DLC1: variants seen among roughly 807,000 people sequenced by gnomAD.
DLC1 encodes the protein DLC1 Rho GTPase activating protein.
In DLC1, 54 loss-of-function variants were observed where a neutral mutation model predicts 140.3. The observed-to-expected ratio is 0.38, with a 90% CI of 0.31 to 0.48. DLC1 has a LOEUF of 0.48. Among genes scored for constraint, DLC1 ranks in the 20% least tolerant of loss-of-function variants. The pLI, the probability that DLC1 is intolerant of heterozygous loss-of-function variation, is 0.96. For synonymous variants in DLC1, 986 were observed against 728.1 expected (o/e 1.35, Z -5.70); for missense variants, 2,536 against 1,907.0 (o/e 1.33, Z -6.14).
At chr8:13,355,435 A>G (rs567340948) in intron 4 of DLC1, among the ~76,000 whole-genome samples, 1 of 152,198 alleles carries the variant, frequency 6.6e-6, no homozygotes, top group Non-Finnish European at 1.5e-5. Context: ...ACAGAAATTT[A>G]TTTCTCACAG....
intron 5 of DLC1, among the ~76,000 whole-genome samples, chr8:13,288,071 T>A (rs976723546): frequency 2.6e-5 from 4 of 152,178 alleles, no homozygotes; most frequent in African/African-American, 9.6e-5. Context: ...GAGCTCAGTT[T>A]TTAGAAGTGT....
At chr8:13,165,701 T>C (rs1825059174) in intron 5 of DLC1, among the ~76,000 whole-genome samples, 1 of 152,272 alleles carries the variant, frequency 6.6e-6, no homozygotes, top group African/African-American at 2.4e-5. Flanking sequence ...AATCAAAACA[T>C]CGGCCTCTAC....
intron 5 of DLC1, among the ~76,000 whole-genome samples, chr8:13,209,552 C>T (rs933432480): frequency 6.6e-6 from 1 of 152,078 alleles, no homozygotes; most frequent in Non-Finnish European, 1.5e-5. Context: ...GATGTTGTCC[C>T]TGCCCGAATC....
intron 1 of DLC1, among the ~76,000 whole-genome samples, chr8:13,579,896 T>G (rs2117441434): frequency 6.6e-6 from 1 of 151,938 alleles, no homozygotes; most frequent in East Asian, 1.9e-4. Context: ...AAGCACTCTC[T>G]AGAATGGTGG....
intron 1 of DLC1, among the ~76,000 whole-genome samples, chr8:13,584,768 C>T (rs1008015229): frequency 6.6e-6 from 1 of 152,096 alleles, no homozygotes; most frequent in African/African-American, 2.4e-5. Flanking sequence ...AAAAACTTTT[C>T]GCTGGTTCAA....
At chr8:13,459,968 C>T (rs1002171990) in intron 2 of DLC1, among the ~76,000 whole-genome samples, 1 of 152,166 alleles carries the variant, frequency 6.6e-6, no homozygotes, top group African/African-American at 2.4e-5. Context: ...CCTGGTTCTT[C>T]TCTGCCTGTG....
intron 4 of DLC1, among the ~76,000 whole-genome samples, chr8:13,379,145 T>C (rs994696322): frequency 1.3e-5 from 2 of 152,224 alleles, no homozygotes; most frequent in African/African-American, 4.8e-5. Flanking sequence ...AACGGTTCTT[T>C]AGTCTAAGTC....
chr8:13,260,412 G>C (rs1462352962), intron 5 of DLC1, among the ~76,000 whole-genome samples: 1 of 152,216 alleles, frequency 6.6e-6, no homozygotes, highest in Admixed American at 6.5e-5. Context: ...AGGATTTTGT[G>C]ATTAACTTCA....
intron 5 of DLC1, among the ~76,000 whole-genome samples, chr8:13,135,959 T>A (rs754766312): frequency 7.2e-5 from 11 of 152,204 alleles, no homozygotes; most frequent in Non-Finnish European, 1.0e-4. Context: ...TGGTGATGCA[T>A]TGGTTTGCGT....
At chr8:13,222,258 T>A (rs370973656) in intron 5 of DLC1, among the ~76,000 whole-genome samples, 5 of 151,966 alleles carry the variant, frequency 3.3e-5, no homozygotes, top group African/African-American at 1.2e-4. Context: ...AGAAAAGAGA[T>A]AGAGAAACCC....
rs1424412995 is a variant in DLC1 at position 13,219,082 on chromosome 8, T to TA, written c.1348+86186_1348+86187insT. Among the ~76,000 whole-genome samples, 173 of 100,320 alleles carry TA rather than the reference T, an allele frequency of 1.7e-3. 13 individuals carry two copies. Among genetic ancestry groups the TA allele is most frequent in the African/African-American group, 4.8e-3 (112 of 23,202 alleles). The allele number at this position is 100,320 out of a possible 152,430, so 65.8% of individuals were successfully genotyped here. On this transcript the variant is annotated intron_variant, in intron 5 of 17. Coordinates refer to ENST00000276297, the MANE Select transcript of DLC1 (RefSeq NM_182643.3). ...TAATTACGTGAATATAATTATATAA[T>TA]TATATGTGAATGTAATTATATAATT...
chr8:13,326,054 A>G (rs1833332228), intron 4 of DLC1, among the ~76,000 whole-genome samples: 2 of 152,204 alleles, frequency 1.3e-5, no homozygotes, highest in Non-Finnish European at 2.9e-5. Flanking sequence ...ATAAATAAAT[A>G]AATACCATAT....
At chr8:13,281,479 G>A (rs867652307) in intron 5 of DLC1, among the ~76,000 whole-genome samples, 2 of 152,278 alleles carry the variant, frequency 1.3e-5, no homozygotes, top group East Asian at 1.9e-4. Flanking sequence ...CTGTATCTAC[G>A]CATATAGTTC....
At chr8:13,275,629 C>G (rs1321537052) in intron 5 of DLC1, among the ~76,000 whole-genome samples, 1 of 152,214 alleles carries the variant, frequency 6.6e-6, no homozygotes, top group Non-Finnish European at 1.5e-5. Context: ...CAAACACAGT[C>G]TACCATTTGG....
Position 13,092,638 on chromosome 8 carries a change from G to C in DLC1, c.3714C>G (p.Thr1238=), listed in dbSNP as rs748101950. The change falls in exon 13 of 18, where the codon ACC becomes ACG. Residue 1238 remains threonine, a synonymous_variant. Transcript: ENST00000276297. Reference sequence around the variant, plus strand: ...TGGGAGAGGAATTCTCTCTCTTCAGGGTGTTGAGATGGAAGAGGGAAGGCG... The same window carrying C: ...TGGGAGAGGAATTCTCTCTCTTCAGCGTGTTGAGATGGAAGAGGGAAGGCG... ...CLAPSLFHLN[T]LKRENSSPRV... 4.3e-6 allele frequency: 7 copies of C among 1,614,014 alleles called. No homozygotes were observed. Among genetic ancestry groups the C allele is most frequent in the African/African-American group, 1.3e-5 (1 of 74,920 alleles).
chr8:13,343,301 T>A (rs1043481767), intron 4 of DLC1, among the ~76,000 whole-genome samples: 1 of 152,190 alleles, frequency 6.6e-6, no homozygotes, highest in African/African-American at 2.4e-5. Flanking sequence ...GAGCAGAAAG[T>A]GATGGCTCAT....
rs531432447 is a variant in DLC1, at chr8:13,263,919, C to T, written c.1348+41350G>A. On this transcript the variant is annotated intron_variant, in intron 5 of 17. Coordinates refer to ENST00000276297, the MANE Select transcript of DLC1 (RefSeq NM_182643.3). ...ATTTCTACCCATGTGCGCACAGAGA[C>T]ATTGACAATAATATTCATAACAGCA... 8.6e-5 allele frequency among the ~76,000 whole-genome samples: 13 copies of T among 151,772 alleles called. No homozygotes were observed. The East Asian group carries it at 2.1e-3, about 25-fold the overall frequency.
chr8:13,508,944 G>A (rs1229790897), intron 1 of DLC1, among the ~76,000 whole-genome samples: 6 of 152,070 alleles, frequency 3.9e-5, no homozygotes, highest in Non-Finnish European at 7.4e-5. Flanking sequence ...ATAAAGAGAA[G>A]TATTGCCTTT....
intron 5 of DLC1, among the ~76,000 whole-genome samples, chr8:13,120,336 C>T (rs1346688505): frequency 1.3e-4 from 2 of 15,694 alleles, no homozygotes; most frequent in Non-Finnish European, 4.9e-4. Flanking sequence ...GAAAGAGACT[C>T]CGTCGCAAAA....
Sources: allele counts gnomAD v4.1 joint callset (sites outside exome capture counted in the v4.1 genomes callset), GRCh38; gene constraint gnomAD v4.1.1; transcripts MANE v1.5; gene names NCBI Gene and HGNC (gene_info 2026-07-23, HGNC 2026-07-21).